CCDC85C: variants seen among roughly 807,000 people sequenced by gnomAD.
CCDC85C encodes the protein coiled-coil domain containing 85C, also known as coiled-coil domain-containing protein 85C.
In CCDC85C, 18 loss-of-function variants were observed where a neutral mutation model predicts 38.3. The ratio of observed to expected loss-of-function variants is 0.47; its 90% CI spans 0.33 to 0.70. CCDC85C has a LOEUF of 0.70. Among genes scored for constraint, CCDC85C ranks in the 30% least tolerant of loss-of-function variants. CCDC85C has a pLI of 0.03. For missense variants in CCDC85C, 566 were observed against 621.2 expected, an observed-to-expected ratio of 0.91 and a Z score of 0.94; for synonymous variants, 264 against 293.8, an observed-to-expected ratio of 0.90 and a Z score of 1.04.
intron 1 of CCDC85C, among the ~76,000 whole-genome samples, chr14:99,546,247 CT>C (rs1897806157): frequency 6.6e-6 from 1 of 151,966 alleles, no homozygotes; most frequent in Admixed American, 6.6e-5. Flanking sequence ...GGATGATGCC[CT>C]GCCCCCACAG....
chr14:99,529,199 T>C (rs544642603), intron 2 of CCDC85C, among the ~76,000 whole-genome samples: 1 of 152,140 alleles, frequency 6.6e-6, no homozygotes, highest in South Asian at 2.1e-4. Flanking sequence ...CGAAATCCCA[T>C]TTTTCAAACT....
intron 1 of CCDC85C, among the ~76,000 whole-genome samples, chr14:99,592,294 T>C (rs2139988691): frequency 6.6e-6 from 1 of 151,964 alleles, no homozygotes; most frequent in South Asian, 2.1e-4. Context: ...CTCTGAGGGG[T>C]CGTGGGTTAG....
intron 2 of CCDC85C, 49 bp from the exon 3 acceptor site, chr14:99,522,289 G>A: frequency 7.2e-7 from 1 of 1,396,868 alleles, no homozygotes. Context: ...AGGCTGAGGA[G>A]GACAAGGGCC....
chr14:99,546,586 C>T (rs1244574615), intron 1 of CCDC85C, among the ~76,000 whole-genome samples: 1 of 152,128 alleles, frequency 6.6e-6, no homozygotes, highest in Non-Finnish European at 1.5e-5. Context: ...TAAATCCTCA[C>T]CAGCCAGGTG....
chr14:99,587,551 G>C (rs920143989), intron 1 of CCDC85C, among the ~76,000 whole-genome samples: 1 of 152,228 alleles, frequency 6.6e-6, no homozygotes, highest in Admixed American at 6.5e-5. Context: ...CTCCCAGCCA[G>C]CCCTGTCCCT....
chr14:99,587,033 C>T (rs549853143), intron 1 of CCDC85C, among the ~76,000 whole-genome samples: 2 of 152,330 alleles, frequency 1.3e-5, no homozygotes, highest in South Asian at 4.1e-4. Context: ...AGCCAAGGTC[C>T]CGGCCAGGCC....
In CCDC85C at chr14:99,572,960, A is replaced by G. The variant is rs1353444514; in HGVS notation, c.793+30207T>C. ...TCTGAGCCCTGCCTTCGCCTCCTAC[A>G]AGATAGGATGGCAGCAGCCTCAGAG... On this transcript the variant is annotated intron_variant, in intron 1 of 5. Coordinates refer to ENST00000380243, the MANE Select transcript of CCDC85C (RefSeq NM_001144995.2). The surrounding 1 kb of genome is among the most constrained non-coding windows in gnomAD (Gnocchi z 4.4). 2.6e-6 allele frequency: 1 copy of G among 388,702 alleles called. No individual in the cohort carries two copies. The highest frequency in any genetic ancestry group is 5.1e-6 in the Non-Finnish European group (1 of 194,964). The allele number at this position is 388,702 out of a possible 1,614,324, so 24.1% of individuals were successfully genotyped here. A position where few individuals can be genotyped will look rare whatever the true frequency, so the allele number is the denominator to read the frequency against.
intron 1 of CCDC85C, among the ~76,000 whole-genome samples, chr14:99,542,126 C>T (rs114969159): frequency 4.6e-5 from 7 of 152,366 alleles, no homozygotes; most frequent in African/African-American, 9.6e-5. Context: ...CTGATACCAC[C>T]GTTCAGCGCA....
chr14:99,584,880 A>G (rs1159397749), intron 1 of CCDC85C, among the ~76,000 whole-genome samples: 4 of 152,150 alleles, frequency 2.6e-5, no homozygotes, highest in Admixed American at 6.5e-5. Flanking sequence ...CTTGAGCTCA[A>G]GAGTTTGAGA....
intron 1 of CCDC85C, among the ~76,000 whole-genome samples, chr14:99,565,999 C>A (rs985326538): frequency 1.3e-5 from 2 of 152,218 alleles, no homozygotes; most frequent in African/African-American, 4.8e-5. Context: ...CGTAACGCAG[C>A]GCCGAAATGT....
At chr14:99,551,665 G>A (rs1193667484) in intron 1 of CCDC85C, among the ~76,000 whole-genome samples, 14 of 150,670 alleles carry the variant, frequency 9.3e-5, no homozygotes, top group Middle Eastern at 3.4e-3. Context: ...GTGGGTGAGA[G>A]GTGGGTGTGC....
In CCDC85C at chr14:99,517,098, T is replaced by C. The variant is rs763033117; in HGVS notation, c.1061A>G (p.His354Arg). 2 of 1,550,472 alleles carry C rather than the reference T, an allele frequency of 1.3e-6. No homozygotes were observed. The highest frequency in any genetic ancestry group is 1.2e-5 in the South Asian group (1 of 84,056). ...PAGQKPEAVVHAMKVLEVHEN... is the reference protein window; with the variant it reads ...PAGQKPEAVVRAMKVLEVHEN... ...GGTAGTGGCCCTCACCTTCATGGCA[T>C]GCACGACAGCCTCGGGCTTCTGTCC... Residue 354 changes from histidine (H) to arginine (R), a missense_variant, in exon 4 of 6, where the codon CAT becomes CGT. By Grantham distance (29) the His-to-Arg change is conservative. Transcript: ENST00000380243.
rs1371852167 is a variant in CCDC85C, at chr14:99,505,743, G to A, written c.*9503C>T. On this transcript the variant is annotated 3_prime_UTR_variant, in exon 6 of 6. Transcript: ENST00000380243. The stretch of plus-strand genomic sequence containing the variant: ...TGGTGGCGCCACACCTATGGTCCCA[G>A]CTACTTGGGAGACTCAGGCAGCAAG... 1 of 152,220 alleles carries A rather than the reference G, an allele frequency of 6.6e-6. No individual in the cohort carries two copies. Among genetic ancestry groups the A allele is most frequent in the Non-Finnish European group, 1.5e-5 (1 of 68,062 alleles). The allele number at this position is 152,220 out of a possible 1,614,324, so 9.4% of individuals were successfully genotyped here. A position where few individuals can be genotyped will look rare whatever the true frequency, so the allele number is the denominator to read the frequency against.
In CCDC85C at chr14:99,502,927, A is replaced by T. The variant is rs749107194; in HGVS notation, c.*12319T>A. On this transcript the variant is annotated 3_prime_UTR_variant, in exon 6 of 6. Transcript: ENST00000380243. ...CAGCCCAGCAGCAGCAGCCAGCCCA[A>T]CAGCCCAAGAAACCCTCTCCGCAGC... 9 of 1,613,860 alleles carry T rather than the reference A, an allele frequency of 5.6e-6. 1 individual carries two copies. The South Asian group carries it at 9.9e-5, about 18-fold the overall frequency.
In CCDC85C at chr14:99,510,725, T is replaced by C; in HGVS notation, c.*4521A>G. The C allele has an allele frequency of 7.1e-7, 1 of 1,399,070 alleles. No individual in the cohort carries two copies. Among genetic ancestry groups the C allele is most frequent in the Non-Finnish European group, 9.3e-7 (1 of 1,074,286 alleles). The allele number at this position is 1,399,070 out of a possible 1,614,324, so 86.7% of individuals were successfully genotyped here. ...GACAGCCTCCTGTGCCCCCGCCCAT[T>C]CCCCCACCCGGCATGCCTCCAGTTG... On this transcript the variant is annotated 3_prime_UTR_variant, in exon 6 of 6. Transcript: ENST00000380243.
chr14:99,509,166 T>C lies in CCDC85C; in HGVS notation c.*6080A>G, dbSNP rs1368248611. 6.6e-6 allele frequency: 1 copy of C among 152,246 alleles called. No individual in the cohort carries two copies. Among genetic ancestry groups the C allele is most frequent in the African/African-American group, 2.4e-5 (1 of 41,448 alleles). 9.4% of individuals were successfully genotyped at this position (152,246 alleles called of 1,614,324 possible). A position where few individuals can be genotyped will look rare whatever the true frequency, so the allele number is the denominator to read the frequency against. ...CTGTGCCTTGCCTAACCCAAGTGCC[T>C]GGGGAACCAGAAGCATCTTCGTGGC... On this transcript the variant is annotated 3_prime_UTR_variant, in exon 6 of 6. Coordinates refer to ENST00000380243, the MANE Select transcript of CCDC85C (RefSeq NM_001144995.2).
chr14:99,592,658 C>T (rs2055100083), intron 1 of CCDC85C, among the ~76,000 whole-genome samples: 1 of 152,208 alleles, frequency 6.6e-6, no homozygotes, highest in African/African-American at 2.4e-5. Flanking sequence ...GGCCAAGGAG[C>T]AAACATGGGG....
chr14:99,574,913 C>T (rs1037894763), intron 1 of CCDC85C, among the ~76,000 whole-genome samples: 1 of 152,176 alleles, frequency 6.6e-6, no homozygotes, highest in African/African-American at 2.4e-5. Flanking sequence ...CTGTGGGACG[C>T]TGGCCATCCC....
At chr14:99,587,388 T>C (rs542879945) in intron 1 of CCDC85C, among the ~76,000 whole-genome samples, 1 of 152,354 alleles carries the variant, frequency 6.6e-6, no homozygotes, top group African/African-American at 2.4e-5. Flanking sequence ...TGGTCAGAGC[T>C]AAGTCTCATT....
Sources: gnomAD v4.1 joint callset for allele counts (sites outside exome capture counted in the v4.1 genomes callset) on GRCh38, gnomAD v4.1.1 for gene constraint, Gnocchi (gnomAD v3.1) non-coding constraint, MANE v1.5 for transcripts, NCBI Gene and HGNC (gene_info 2026-07-23, HGNC 2026-07-21) for gene names.